CAST: variants seen among roughly 807,000 people sequenced by gnomAD.
The protein encoded by CAST is calpastatin.
In CAST, 76 loss-of-function variants were observed where a neutral mutation model predicts 119.6. The observed-to-expected ratio is 0.64, with a 90% CI of 0.53 to 0.77. CAST has a LOEUF of 0.77. Ranked by LOEUF, CAST falls within the 30% of genes least tolerant of loss-of-function variation. The pLI is 0.00. For synonymous variants in CAST, 319 were observed against 331.6 expected, an observed-to-expected ratio of 0.96 and a Z score of 0.41; for missense variants, 953 against 946.5, an observed-to-expected ratio of 1.01 and a Z score of -0.09.
chr5:96,545,649 G>T (rs1455713237), intron 1 of CAST, among the ~76,000 whole-genome samples: 1 of 152,142 alleles, frequency 6.6e-6, no homozygotes, highest in Non-Finnish European at 1.5e-5. Flanking sequence ...AGTAATGTTA[G>T]ACAGGTCAGC....
chr5:96,419,918 G>A, the CAST span, among the ~76,000 whole-genome samples: 3 of 151,798 alleles, frequency 2.0e-5, no homozygotes, highest in African/African-American at 4.8e-5. Context: ...TCAAGAATTC[G>A]CCCACTATGC....
chr5:96,240,842 A>G, the CAST span, among the ~76,000 whole-genome samples: 2 of 150,214 alleles, frequency 1.3e-5, no homozygotes. Flanking sequence ...ATTATTCACT[A>G]CAGAACTATT....
chr5:96,364,919 G>T, the CAST span, among the ~76,000 whole-genome samples: 49 of 152,246 alleles, frequency 3.2e-4, no homozygotes, highest in African/African-American at 1.1e-3. Context: ...TGATGTTAGG[G>T]TGTCAATTTT....
chr5:96,703,281 A>G (rs1443217811), intron 3 of CAST, among the ~76,000 whole-genome samples: 1 of 151,968 alleles, frequency 6.6e-6, no homozygotes, highest in Non-Finnish European at 1.5e-5. Context: ...CAGCTATGTC[A>G]GTTTGGTTTG....
At chr5:96,262,957 A>G in the CAST span, among the ~76,000 whole-genome samples, 2 of 152,132 alleles carry the variant, frequency 1.3e-5, no homozygotes, top group Non-Finnish European at 2.9e-5. Context: ...GTTTACACTT[A>G]CAGCCCCTTC....
intron 1 of CAST, among the ~76,000 whole-genome samples, chr5:96,562,373 G>GA (rs1414497432): frequency 3.9e-5 from 6 of 151,988 alleles, no homozygotes; most frequent in Non-Finnish European, 4.4e-5. Flanking sequence ...TTTAATGTAT[G>GA]AAAAAAATGC....
At chr5:96,722,772 T>C in intron 4 of CAST, 74 bp downstream of exon 4, 1 of 1,024,268 alleles carries the variant, frequency 9.8e-7, no homozygotes, top group Non-Finnish European at 1.6e-6. Flanking sequence ...TGTAGACTAA[T>C]TGTTGATGAT....
At chr5:96,704,186 A>G (rs1754478633) in intron 3 of CAST, among the ~76,000 whole-genome samples, 1 of 152,208 alleles carries the variant, frequency 6.6e-6, no homozygotes, top group Non-Finnish European at 1.5e-5. Flanking sequence ...TGCTTTGTAG[A>G]CTGTGAAACA....
At chr5:96,001,412 G>A in the CAST span, among the ~76,000 whole-genome samples, 2 of 152,182 alleles carry the variant, frequency 1.3e-5, no homozygotes, top group Non-Finnish European at 2.9e-5. Flanking sequence ...TAAGGAATGT[G>A]CCTGCAAGAG....
chr5:96,003,503 A>C, the CAST span, among the ~76,000 whole-genome samples: 1 of 147,312 alleles, frequency 6.8e-6, no homozygotes, highest in African/African-American at 2.5e-5. Flanking sequence ...GCGCCACTGC[A>C]CTCCAGCCTG....
At chr5:96,178,624 C>T in the CAST span, among the ~76,000 whole-genome samples, 12 of 152,116 alleles carry the variant, frequency 7.9e-5, no homozygotes, top group Non-Finnish European at 7.3e-5. Flanking sequence ...TAGCACTGCT[C>T]TAATGGTGGC....
chr5:96,475,314 G>A, the CAST span, among the ~76,000 whole-genome samples: 1 of 152,214 alleles, frequency 6.6e-6, no homozygotes, highest in Non-Finnish European at 1.5e-5. Flanking sequence ...TTAATAAGGA[G>A]TTATTACCAT....
chr5:96,222,151 A>C, the CAST span, among the ~76,000 whole-genome samples: 1 of 152,168 alleles, frequency 6.6e-6, no homozygotes, highest in Non-Finnish European at 1.5e-5. Context: ...GAAACTATAA[A>C]ACTACTAGAA....
the CAST span, among the ~76,000 whole-genome samples, chr5:96,149,019 G>T: frequency 6.6e-6 from 1 of 152,210 alleles, no homozygotes; most frequent in Non-Finnish European, 1.5e-5. Flanking sequence ...TCCTTCTTAG[G>T]TGAATCTTAA....
Position 96,705,318 on chromosome 5 carries a change from A to G in CAST, c.210+9411A>G, listed in dbSNP as rs546051773. Reference sequence around the variant, plus strand: ...GACACAGCGATGAGACTCTGTGTCAAAAAAATATATATATAAAGAAAAAAA... The same window carrying G: ...GACACAGCGATGAGACTCTGTGTCAGAAAAATATATATATAAAGAAAAAAA... On this transcript the variant is annotated intron_variant, in intron 3 of 31. Coordinates refer to ENST00000675179, the MANE Select transcript of CAST (RefSeq NM_001750.7). Among the ~76,000 whole-genome samples, 11 of 152,226 alleles carry G rather than the reference A, an allele frequency of 7.2e-5. No homozygotes were observed. The East Asian group carries it at 2.1e-3, about 29-fold the overall frequency.
At chr5:96,517,320 C>G in the CAST span, among the ~76,000 whole-genome samples, 28 of 152,144 alleles carry the variant, frequency 1.8e-4, 1 homozygote, top group Admixed American at 1.8e-3. Context: ...TCTCCCATCT[C>G]TTTCCTTTTT....
the CAST span, among the ~76,000 whole-genome samples, chr5:95,987,506 G>A: frequency 6.6e-6 from 1 of 152,114 alleles, no homozygotes; most frequent in African/African-American, 2.4e-5. Flanking sequence ...TGGGACCTGG[G>A]GATGAGTATT....
the CAST span, among the ~76,000 whole-genome samples, chr5:96,040,690 T>G: frequency 6.6e-6 from 1 of 152,224 alleles, no homozygotes; most frequent in Non-Finnish European, 1.5e-5. Flanking sequence ...GATTTGCATA[T>G]GTTGAACCAG....
At chr5:96,619,984 A>G (rs1747568275) in intron 1 of CAST, among the ~76,000 whole-genome samples, 2 of 152,220 alleles carry the variant, frequency 1.3e-5, no homozygotes, top group African/African-American at 4.8e-5. Context: ...AAATAAAGAC[A>G]ACACCCATAT....
Sources: allele counts gnomAD v4.1 joint callset (sites outside exome capture counted in the v4.1 genomes callset), GRCh38; gene constraint gnomAD v4.1.1; transcripts MANE v1.5; gene names NCBI Gene and HGNC (gene_info 2026-07-23, HGNC 2026-07-21).